The following SPATA13 variants were observed in gnomAD, a reference collection of about 807,000 sequenced individuals.
The protein encoded by SPATA13 is spermatogenesis-associated protein 13.
In SPATA13, 50 loss-of-function variants were observed where a neutral mutation model predicts 104.0. The observed-to-expected ratio is 0.48, with a 90% confidence interval of 0.38 to 0.61. SPATA13 has a LOEUF of 0.61. SPATA13 is among the 20% of genes least tolerant of loss of function. SPATA13 has a pLI of 0.00. For synonymous variants in SPATA13, 606 were observed against 667.5 expected (o/e 0.91, Z 1.42); for missense variants, 1,524 against 1,690.6 (o/e 0.90, Z 1.73).
At chr13:24,120,131 C>T (rs1262753969) in intron 3 of SPATA13, among the ~76,000 whole-genome samples, 2 of 152,106 alleles carry the variant, frequency 1.3e-5, no homozygotes, top group African/African-American at 4.8e-5. Context: ...TTAGGCAGTC[C>T]TCAGCCCTGT....
At position 24,138,867 on chromosome 13, in the gene SPATA13, C is replaced by T. The variant is rs547624153; in HGVS notation, c.-111-83952C>T. ...TTGGCCTCCCAAAGTGCTGGGAACA[C>T]AGGCATGAGACACCATGCCAAGCCT... On this transcript the variant is annotated intron_variant, in intron 3 of 14. Coordinates refer to the SPATA13 transcript ENST00000424834. 3.0e-3 allele frequency among the ~76,000 whole-genome samples: 460 copies of T among 151,702 alleles called. 4 individuals carry two copies. Among genetic ancestry groups the T allele is most frequent in the African/African-American group, 0.01 (427 of 41,322 alleles).
exon 2 of SPATA13, chr13:23,983,746 C>A: frequency 4.2e-6 from 1 of 239,036 alleles, no homozygotes; most frequent in Non-Finnish European, 6.8e-6. Context: ...CAAACCTTGT[C>A]AAGCTCTGAC....
At chr13:24,044,335 C>T (rs549974932) in intron 3 of SPATA13, among the ~76,000 whole-genome samples, 250 of 150,078 alleles carry the variant, frequency 1.7e-3, no homozygotes, top group Non-Finnish European at 2.7e-3. Flanking sequence ...TGGGTTCAAG[C>T]GATTCTCCTG....
At chr13:23,998,526 A>C (rs1201311701) in intron 2 of SPATA13, among the ~76,000 whole-genome samples, 1 of 152,218 alleles carries the variant, frequency 6.6e-6, no homozygotes, top group African/African-American at 2.4e-5. Flanking sequence ...GTGGCTTATC[A>C]TTTAATTTTC....
At chr13:24,217,013 G>A (rs1351734868) in intron 1 of SPATA13, among the ~76,000 whole-genome samples, 1 of 152,112 alleles carries the variant, frequency 6.6e-6, no homozygotes, top group African/African-American at 2.4e-5. Flanking sequence ...TTGTGCCACT[G>A]TGTACTCCAG....
At chr13:24,009,726 C>G (rs1207098006) in intron 2 of SPATA13, among the ~76,000 whole-genome samples, 1 of 152,180 alleles carries the variant, frequency 6.6e-6, no homozygotes, top group African/African-American at 2.4e-5. Flanking sequence ...ATGAAGCCTC[C>G]AGGTAGCAGG....
At chr13:24,055,004 A>G (rs1487364475) in intron 3 of SPATA13, among the ~76,000 whole-genome samples, 2 of 152,236 alleles carry the variant, frequency 1.3e-5, no homozygotes, top group African/African-American at 4.8e-5. Flanking sequence ...ATTTTTATAA[A>G]CAATATAATG....
chr13:24,189,657 T>A (rs1032859808), intron 1 of SPATA13, among the ~76,000 whole-genome samples: 8 of 9,520 alleles, frequency 8.4e-4, no homozygotes, highest in South Asian at 8.8e-3. Context: ...ATATTATATA[T>A]TATATATTTA....
chr13:24,112,433 G>C (rs1382582997), intron 3 of SPATA13, among the ~76,000 whole-genome samples: 1 of 152,146 alleles, frequency 6.6e-6, no homozygotes, highest in Non-Finnish European at 1.5e-5. Context: ...CTTGAGCTCA[G>C]TATACACTGT....
At chr13:24,129,281 C>T (rs1881322525) in intron 3 of SPATA13, among the ~76,000 whole-genome samples, 2 of 152,236 alleles carry the variant, frequency 1.3e-5, no homozygotes, top group South Asian at 4.1e-4. Context: ...GCGTCTGTCC[C>T]ATGTGAGCAT....
At chr13:24,291,978 G>A (rs983857071) in intron 9 of SPATA13, among the ~76,000 whole-genome samples, 2 of 150,022 alleles carry the variant, frequency 1.3e-5, no homozygotes, top group Non-Finnish European at 3.0e-5. Flanking sequence ...GGATGGTCTC[G>A]ATCTCCTGAC....
rs1868446015 is a variant in SPATA13, at chr13:24,176,556, G to A, written c.-112+15624G>A. ...AGCAAACTAGATCCTTTGATTAATG[G>A]GACCAGGCAAGTCCAAGGACAGATT... On this transcript the variant is annotated intron_variant, in intron 1 of 12. Coordinates refer to ENST00000382108, the MANE Select transcript of SPATA13 (RefSeq NM_001166271.3). Among the ~76,000 whole-genome samples, 5 of 151,806 alleles carry A rather than the reference G, an allele frequency of 3.3e-5. 1 individual carries two copies. In the South Asian group the frequency reaches 1.0e-3, roughly 32 times the overall value.
At chr13:24,135,426 A>G (rs9511075) in intron 3 of SPATA13, among the ~76,000 whole-genome samples, 80,837 of 151,894 alleles carry the variant, frequency 0.53, 21,815 homozygotes, top group Admixed American at 0.61. Flanking sequence ...GTCCAGGTGC[A>G]GTGGCTCACG....
chr13:24,113,868 C>CA (rs958434459), intron 3 of SPATA13, among the ~76,000 whole-genome samples: 10,953 of 55,552 alleles, frequency 0.2, 1,004 homozygotes, highest in Non-Finnish European at 0.28. Flanking sequence ...GACTCGATCT[C>CA]AAAAAAAAAA....
chr13:24,272,442 A>T (rs1874680392), intron 4 of SPATA13, among the ~76,000 whole-genome samples: 1 of 152,198 alleles, frequency 6.6e-6, no homozygotes. Context: ...GAATACATGT[A>T]ATAAAATGAC....
intron 3 of SPATA13, among the ~76,000 whole-genome samples, chr13:24,087,050 C>G (rs1000887254): frequency 6.6e-6 from 1 of 152,218 alleles, no homozygotes; most frequent in Non-Finnish European, 1.5e-5. Context: ...GAAACAGTGG[C>G]AGTTGCTCTC....
At chr13:24,169,603 T>C (rs118027646) in intron 1 of SPATA13, among the ~76,000 whole-genome samples, 2 of 152,274 alleles carry the variant, frequency 1.3e-5, no homozygotes, top group Non-Finnish European at 2.9e-5. Context: ...CCCGAGGTCA[T>C]GTGGCTCCGG....
chr13:24,056,914 T>A (rs1878571119), intron 3 of SPATA13, among the ~76,000 whole-genome samples: 1 of 151,552 alleles, frequency 6.6e-6, no homozygotes, highest in Non-Finnish European at 1.5e-5. Flanking sequence ...CTTCTTTTTT[T>A]TTTTTTTTCA....
intron 3 of SPATA13, among the ~76,000 whole-genome samples, chr13:24,119,190 A>C (rs1283601461): frequency 2.0e-5 from 3 of 152,084 alleles, no homozygotes; most frequent in Non-Finnish European, 2.9e-5. Flanking sequence ...TACAGGCGTG[A>C]GCCACCGCGC....
Sources: allele counts gnomAD v4.1 joint callset (sites outside exome capture counted in the v4.1 genomes callset), GRCh38; gene constraint gnomAD v4.1.1; transcripts MANE v1.5; gene names NCBI Gene and HGNC (gene_info 2026-07-23, HGNC 2026-07-21).